Variants in KIF6 observed in about 807,000 individuals in gnomAD.
KIF6 encodes the protein kinesin-like protein KIF6.
In KIF6, 106 loss-of-function variants were observed where a neutral mutation model predicts 112.7. That is an observed-to-expected ratio of 0.94 (90% CI 0.80 to 1.11). KIF6 has a LOEUF of 1.11. Ranked by LOEUF, KIF6 falls within the 50% of genes least tolerant of loss-of-function variation. The pLI is 0.00. For missense variants in KIF6, 929 were observed against 964.0 expected, an observed-to-expected ratio of 0.96 and a Z score of 0.48; for synonymous variants, 339 against 339.9, an observed-to-expected ratio of 1.00 and a Z score of 0.03.
chr6:39,413,224 C>A (rs894952898), intron 15 of KIF6, among the ~76,000 whole-genome samples: 2 of 152,104 alleles, frequency 1.3e-5, no homozygotes, highest in Non-Finnish European at 2.9e-5. Flanking sequence ...TCACAGCTTT[C>A]TTTTTTCCAG....
rs1234992555 is a variant in KIF6, at chr6:39,345,804, C to T, written c.2232-15G>A. ...CATTCACATCACTGCAAAACACAAA[C>T]AAACAAAAGCAAAAGGAATGGGGGC... On this transcript the variant is annotated splice_polypyrimidine_tract_variant and intron_variant, in intron 20 of 22. Coordinates refer to ENST00000287152, the MANE Select transcript of KIF6 (RefSeq NM_145027.6). The T allele has an allele frequency of 6.2e-7, 1 of 1,602,994 alleles. No homozygotes were observed. The highest frequency in any genetic ancestry group is 1.1e-5 in the South Asian group (1 of 90,240).
intron 3 of KIF6, among the ~76,000 whole-genome samples, chr6:39,660,576 CTT>C (rs1410484655): frequency 6.6e-6 from 1 of 151,980 alleles, no homozygotes; most frequent in Admixed American, 6.6e-5. Context: ...AATCCTCTAC[CTT>C]TTTTTTCTGG....
intron 15 of KIF6, among the ~76,000 whole-genome samples, chr6:39,391,880 G>C (rs771896310): frequency 9.9e-5 from 15 of 151,974 alleles, no homozygotes; most frequent in Middle Eastern, 3.2e-3. Context: ...ATGCCTCTCT[G>C]GTATGTATGT....
intron 10 of KIF6, among the ~76,000 whole-genome samples, chr6:39,548,784 G>T (rs1443422001): frequency 6.6e-6 from 1 of 152,168 alleles, no homozygotes; most frequent in Non-Finnish European, 1.5e-5. Flanking sequence ...CTGAACAGTG[G>T]AAAACTGTTT....
chr6:39,598,126 G>T (rs1782374534), intron 6 of KIF6, among the ~76,000 whole-genome samples: 1 of 152,176 alleles, frequency 6.6e-6, no homozygotes, highest in Admixed American at 6.5e-5. Context: ...GGCAGAGGTT[G>T]CAGTGAGCCA....
At chr6:39,360,647 T>A (rs1562130527) in intron 17 of KIF6, 117 bp from the exon 18 acceptor site, 5 of 1,199,900 alleles carry the variant, frequency 4.2e-6, no homozygotes, top group Non-Finnish European at 5.9e-6. Flanking sequence ...GCCCTGGTGC[T>A]CAGGGACTGG....
At chr6:39,497,485 T>C (rs532080700) in intron 13 of KIF6, among the ~76,000 whole-genome samples, 1 of 152,304 alleles carries the variant, frequency 6.6e-6, no homozygotes, top group South Asian at 2.1e-4. Context: ...ATGGTTTGTG[T>C]GGAAAGGAAG....
At chr6:39,491,208 T>C (rs1361080406) in intron 13 of KIF6, among the ~76,000 whole-genome samples, 1 of 152,138 alleles carries the variant, frequency 6.6e-6, no homozygotes, top group Admixed American at 6.6e-5. Flanking sequence ...ACTAACTCTC[T>C]TGAAGCCTTT....
At chr6:39,589,950 A>AGGGG (rs1453627887) in intron 7 of KIF6, among the ~76,000 whole-genome samples, 1 of 152,238 alleles carries the variant, frequency 6.6e-6, no homozygotes, top group Non-Finnish European at 1.5e-5. Context: ...TGTGCTCAAC[A>AGGGG]AATTTTTGTT....
At chr6:39,495,993 T>C (rs1008208038) in intron 13 of KIF6, among the ~76,000 whole-genome samples, 4 of 152,250 alleles carry the variant, frequency 2.6e-5, no homozygotes, top group African/African-American at 9.6e-5. Context: ...CATCTCAGGC[T>C]GCTGTGGTCT....
chr6:39,346,139 CTCTCTCTCTCTCTCTCTCTCTCTT>C (rs1763780660), intron 20 of KIF6, among the ~76,000 whole-genome samples: 1 of 130,434 alleles, frequency 7.7e-6, no homozygotes, highest in Non-Finnish European at 1.6e-5. Flanking sequence ...CTCCCTCTCT[CTCTCTCTCTCTCTCTCTCTCTCTT>C]TCTCTCCTAT....
chr6:39,662,520 TA>T (rs965346486), intron 3 of KIF6, among the ~76,000 whole-genome samples: 1 of 152,156 alleles, frequency 6.6e-6, no homozygotes, highest in African/African-American at 2.4e-5. Context: ...TAACTAAATG[TA>T]AAAATAGTCT....
intron 19 of KIF6, among the ~76,000 whole-genome samples, chr6:39,353,052 T>G (rs1764379226): frequency 6.6e-6 from 1 of 152,218 alleles, no homozygotes; most frequent in African/African-American, 2.4e-5. Flanking sequence ...GACATAAGTT[T>G]TCACCTCAAT....
At chr6:39,689,537 A>G (rs1448288678) in intron 3 of KIF6, among the ~76,000 whole-genome samples, 2 of 152,252 alleles carry the variant, frequency 1.3e-5, no homozygotes, top group East Asian at 3.9e-4. Flanking sequence ...ATAAAAATGC[A>G]AAATGCAAGC....
chr6:39,353,807 G>A (rs888094169), intron 19 of KIF6: 15 of 347,400 alleles, frequency 4.3e-5, no homozygotes, highest in African/African-American at 1.9e-4. Context: ...TGCGGTGTCC[G>A]GCATGCAGCA....
rs569043242 is a variant in KIF6 at position 39,510,347 on chromosome 6, C to T, written c.1645+29656G>A. On this transcript the variant is annotated intron_variant, in intron 13 of 22. Transcript: ENST00000287152. Reference sequence around the variant, plus strand: ...GACCTCATGATCCATCTGCCTCAGCCTCCCAAAGTGCTGGGATTACAGGCG... The same window carrying T: ...GACCTCATGATCCATCTGCCTCAGCTTCCCAAAGTGCTGGGATTACAGGCG... 3.9e-5 allele frequency among the ~76,000 whole-genome samples: 6 copies of T among 152,264 alleles called. No homozygotes were observed. The South Asian group carries it at 1.0e-3, about 26-fold the overall frequency.
At chr6:39,496,990 T>C (rs1459357144) in intron 13 of KIF6, among the ~76,000 whole-genome samples, 1 of 152,248 alleles carries the variant, frequency 6.6e-6, no homozygotes, top group Non-Finnish European at 1.5e-5. Flanking sequence ...ACACTGATGC[T>C]TTACAACTTT....
intron 13 of KIF6, among the ~76,000 whole-genome samples, chr6:39,483,299 G>A (rs972389393): frequency 6.6e-6 from 1 of 152,156 alleles, no homozygotes; most frequent in East Asian, 1.9e-4. Context: ...AATCAATGGT[G>A]CCTGTAAACT....
chr6:39,495,732 T>C (rs1409975678), intron 13 of KIF6, among the ~76,000 whole-genome samples: 1 of 152,206 alleles, frequency 6.6e-6, no homozygotes, highest in Non-Finnish European at 1.5e-5. Context: ...GGGGAGGATG[T>C]AGTATTTTGC....
Sources: gnomAD v4.1 joint callset for allele counts (sites outside exome capture counted in the v4.1 genomes callset) on GRCh38, gnomAD v4.1.1 for gene constraint, MANE v1.5 for transcripts, NCBI Gene and HGNC (gene_info 2026-07-23, HGNC 2026-07-21) for gene names.